Variants in PTCHD4 observed in about 807,000 individuals in gnomAD.
PTCHD4 encodes the protein patched domain containing 4.
A neutral mutation model predicts 58.1 loss-of-function variants in PTCHD4; 33 were observed. That is an observed-to-expected ratio of 0.57 (90% confidence interval 0.43 to 0.76). PTCHD4 has a LOEUF of 0.76. Among genes scored for constraint, PTCHD4 ranks in the 30% least tolerant of loss-of-function variants. The probability of loss-of-function intolerance (pLI) is 0.00; values close to 1 mark genes in which losing one functional copy is unlikely to be tolerated. For synonymous variants in PTCHD4, 478 were observed against 409.6 expected (o/e 1.17, Z -2.02); for missense variants, 1,058 against 1,027.1 (o/e 1.03, Z -0.41).
intron 3 of PTCHD4, among the ~76,000 whole-genome samples, chr6:48,057,607 C>A (rs991439472): frequency 6.6e-6 from 1 of 152,130 alleles, no homozygotes; most frequent in Non-Finnish European, 1.5e-5. Context: ...GGCTTTAAGG[C>A]CTCAGCTTTT....
chr6:47,918,694 A>G (rs1164982630), intron 4 of PTCHD4, among the ~76,000 whole-genome samples: 1 of 152,202 alleles, frequency 6.6e-6, no homozygotes, highest in Admixed American at 6.5e-5. Context: ...CACTTCAAAT[A>G]CTATGGAAGA....
intron 4 of PTCHD4, among the ~76,000 whole-genome samples, chr6:47,971,606 T>C (rs1243996366): frequency 3.3e-5 from 5 of 152,324 alleles, no homozygotes; most frequent in Middle Eastern, 3.4e-3. Context: ...TTCTAACTGA[T>C]GTGCAGCCAA....
chr6:48,018,831 GAGA>G (rs1762955647), intron 3 of PTCHD4, among the ~76,000 whole-genome samples: 4 of 152,186 alleles, frequency 2.6e-5, no homozygotes, highest in Admixed American at 6.5e-5. Context: ...ACCTACATAA[GAGA>G]AGTTGGCCAC....
At position 48,008,907 on chromosome 6, in the gene PTCHD4, G is replaced by C; in HGVS notation, c.625C>G (p.Leu209Val). The change falls in exon 4 of 5, where the codon CTC (leucine) becomes GTC (valine). Residue 209 changes from leucine (L) to valine (V), a missense_variant. Coordinates refer to ENST00000339488, the MANE Select transcript of PTCHD4 (RefSeq NM_001384253.1). The stretch of plus-strand genomic sequence containing the variant: ...AAGGATGCTAAAGAGTAGAGCTGGA[G>C]TTCTTGATGCTCCTCCTGGAGCTTC... ...IRKLQEEHQE[L>V]QLYSLASFSL... 6.2e-7 allele frequency: 1 copy of C among 1,614,008 alleles called. No homozygotes were observed. The highest frequency in any genetic ancestry group is 8.5e-7 in the Non-Finnish European group (1 of 1,179,888).
At chr6:48,007,934 G>GCACA (rs771135094) in intron 4 of PTCHD4, among the ~76,000 whole-genome samples, 4,755 of 52,992 alleles carry the variant, frequency 0.09, 111 homozygotes, top group Non-Finnish European at 0.097. Flanking sequence ...ATGTGCGCGC[G>GCACA]CGCACACACA....
chr6:47,928,397 G>T (rs962259082), intron 4 of PTCHD4, among the ~76,000 whole-genome samples: 1 of 152,176 alleles, frequency 6.6e-6, no homozygotes, highest in Admixed American at 6.5e-5. Flanking sequence ...TGGATCAAAG[G>T]CAGGGGCCTT....
intron 4 of PTCHD4, among the ~76,000 whole-genome samples, chr6:47,931,528 T>C (rs915638206): frequency 6.6e-6 from 1 of 152,162 alleles, no homozygotes; most frequent in Non-Finnish European, 1.5e-5. Flanking sequence ...TAATTTCAGA[T>C]GGAGAAAAAC....
rs140134340 is a variant in PTCHD4, at chr6:48,062,843, A to C, written c.417+5387T>G. On this transcript the variant is annotated intron_variant, in intron 3 of 4. Transcript: ENST00000339488. ...ATTATCTACTATGTGGTAGAATGGT[A>C]CCTAAGAATCATAGACTTTCATTGG... 2.2e-3 allele frequency among the ~76,000 whole-genome samples: 330 copies of C among 152,304 alleles called. 1 individual carries two copies. Among genetic ancestry groups the C allele is most frequent in the South Asian group, 3.9e-3 (19 of 4,822 alleles).
intron 3 of PTCHD4, among the ~76,000 whole-genome samples, chr6:48,024,375 G>T (rs1422179279): frequency 6.6e-6 from 1 of 152,078 alleles, no homozygotes; most frequent in Non-Finnish European, 1.5e-5. Context: ...CAGTCCAGGA[G>T]GTTCCACTCT....
chr6:47,909,853 T>C (rs574877481), intron 4 of PTCHD4, among the ~76,000 whole-genome samples: 1 of 152,256 alleles, frequency 6.6e-6, no homozygotes, highest in Admixed American at 6.5e-5. Context: ...AATGACATTA[T>C]AATATTATAC....
chr6:48,020,676 A>G (rs1447362659), intron 3 of PTCHD4, among the ~76,000 whole-genome samples: 1 of 152,106 alleles, frequency 6.6e-6, no homozygotes, highest in Non-Finnish European at 1.5e-5. Context: ...GACAAAGCAC[A>G]TAAATAAAAT....
rs1763782389 is a variant in PTCHD4 at position 47,873,914 on chromosome 6, C to G, written c.*4389G>C. On this transcript the variant is annotated 3_prime_UTR_variant, in exon 5 of 5. Transcript: ENST00000339488. Reference sequence around the variant, plus strand: ...TCTGAGGCTCTTTTGGAATAAGTAACAGTTTTCAGATTCACTTTTGCAAAG... The same window carrying G: ...TCTGAGGCTCTTTTGGAATAAGTAAGAGTTTTCAGATTCACTTTTGCAAAG... 6.6e-6 allele frequency among the ~76,000 whole-genome samples: 1 copy of G among 151,618 alleles called. No individual in the cohort carries two copies. The highest frequency in any genetic ancestry group is 2.1e-4 in the South Asian group (1 of 4,828).
chr6:48,051,121 T>C (rs1019042230), intron 3 of PTCHD4, among the ~76,000 whole-genome samples: 4 of 151,978 alleles, frequency 2.6e-5, no homozygotes, highest in African/African-American at 9.7e-5. Context: ...TGTTGATTAT[T>C]TTTAATCAAC....
chr6:47,879,920 T>G lies in PTCHD4; in HGVS notation c.915A>C (p.Gly305=). The change falls in exon 5 of 5, where the codon GGA becomes GGC. Residue 305 remains glycine (G), a synonymous_variant. Coordinates refer to ENST00000339488, the MANE Select transcript of PTCHD4 (RefSeq NM_001384253.1). ...GCCATCCGGACAGAAGCTCAAACACTCCTTTAGTTCCATGACCTAATGTTT... is the reference window on the plus strand; with the variant it reads ...GCCATCCGGACAGAAGCTCAAACACGCCTTTAGTTCCATGACCTAATGTTT... The part of the protein sequence containing the change: ...PFFAMGHGTK[G]VFELLSGWRR... 1 of 1,544,990 alleles carries G rather than the reference T, an allele frequency of 6.5e-7. No homozygotes were observed. The highest frequency in any genetic ancestry group is 8.7e-7 in the Non-Finnish European group (1 of 1,146,328).
chr6:48,027,011 A>G (rs576232198), intron 3 of PTCHD4, among the ~76,000 whole-genome samples: 1 of 152,032 alleles, frequency 6.6e-6, no homozygotes, highest in Non-Finnish European at 1.5e-5. Flanking sequence ...TAAGTTATAT[A>G]TTACTGTGTT....
At chr6:47,895,576 T>C (rs1015747328) in intron 4 of PTCHD4, among the ~76,000 whole-genome samples, 2 of 152,184 alleles carry the variant, frequency 1.3e-5, no homozygotes, top group Non-Finnish European at 2.9e-5. Flanking sequence ...CAGATATTAA[T>C]TAAACACCTA....
At chr6:48,040,038 T>C in intron 3 of PTCHD4, among the ~76,000 whole-genome samples, 1 of 152,080 alleles carries the variant, frequency 6.6e-6, no homozygotes, top group East Asian at 1.9e-4. Flanking sequence ...ATGCTGATGC[T>C]GCCGATTAGT....
intron 1 of PTCHD4, among the ~76,000 whole-genome samples, chr6:48,104,516 A>G (rs1005240496): frequency 6.6e-6 from 1 of 152,218 alleles, no homozygotes; most frequent in African/African-American, 2.4e-5. Context: ...TGTAAAGACC[A>G]TCAAGGCTAG....
chr6:48,078,537 G>C (rs556593386), intron 1 of PTCHD4, among the ~76,000 whole-genome samples: 1 of 152,152 alleles, frequency 6.6e-6, no homozygotes, highest in East Asian at 1.9e-4. Flanking sequence ...TTTCTAATTT[G>C]GGAAGAAGTA....
Sources: gnomAD v4.1 joint callset for allele counts (sites outside exome capture counted in the v4.1 genomes callset) on GRCh38, gnomAD v4.1.1 for gene constraint, MANE v1.5 for transcripts, NCBI Gene and HGNC (gene_info 2026-07-23, HGNC 2026-07-21) for gene names.